Variants in HPSE2 observed in about 807,000 individuals in gnomAD.
HPSE2 encodes inactive heparanase-2.
Under a neutral mutation model 60.5 loss-of-function variants are expected in HPSE2, and 38 were observed. The observed-to-expected ratio is 0.63, with a 90% CI of 0.48 to 0.82. The LOEUF (loss-of-function observed/expected upper bound fraction) is 0.82. Among genes scored for constraint, HPSE2 ranks in the 40% least tolerant of loss-of-function variants. HPSE2 has a pLI of 0.00. For missense variants in HPSE2, 713 were observed against 740.4 expected (o/e 0.96, Z 0.43); for synonymous variants, 295 against 293.2 (o/e 1.01, Z -0.06).
intron 6 of HPSE2, among the ~76,000 whole-genome samples, chr10:98,681,961 A>T (rs1947797239): frequency 6.6e-6 from 1 of 152,178 alleles, no homozygotes; most frequent in Admixed American, 6.6e-5. Flanking sequence ...TGTCATAATA[A>T]ACCTATTGTA....
Position 99,157,552 on chromosome 10 carries a change from T to G in HPSE2, c.449-13153A>C, listed in dbSNP as rs1191044831. Among the ~76,000 whole-genome samples the G allele has an allele frequency of 2.2e-4, 29 of 130,004 alleles. 2 individuals are homozygous for G. The East Asian group carries it at 3.5e-3, about 16-fold the overall frequency. 85.3% of individuals were successfully genotyped at this position (130,004 alleles called of 152,430 possible). ...GCTGGGAAAACTGGCTAGCCATATGTAGAAAGCTGAAACTGGATCCCTTCC... is the reference window on the plus strand; with the variant it reads ...GCTGGGAAAACTGGCTAGCCATATGGAGAAAGCTGAAACTGGATCCCTTCC... On this transcript the variant is annotated intron_variant, in intron 2 of 11. Transcript: ENST00000370552.
intron 9 of HPSE2, among the ~76,000 whole-genome samples, chr10:98,588,104 A>C (rs1174628485): frequency 1.3e-5 from 2 of 152,244 alleles, no homozygotes; most frequent in Non-Finnish European, 2.9e-5. Context: ...GCCTAAAAAC[A>C]TTTATTCAGG....
At chr10:99,091,987 G>A (rs544737028) in intron 3 of HPSE2, among the ~76,000 whole-genome samples, 1 of 152,200 alleles carries the variant, frequency 6.6e-6, no homozygotes, top group South Asian at 2.1e-4. Context: ...CCTTTTAGAG[G>A]GTACTTTTGA....
intron 3 of HPSE2, among the ~76,000 whole-genome samples, chr10:98,748,806 A>T (rs1410661608): frequency 6.6e-6 from 1 of 152,120 alleles, no homozygotes; most frequent in Admixed American, 6.6e-5. Context: ...AGGAACCCAA[A>T]ATAAGAGAGT....
At chr10:99,296,447 G>C in the HPSE2 span, among the ~76,000 whole-genome samples, 1 of 152,284 alleles carries the variant, frequency 6.6e-6, no homozygotes, top group East Asian at 1.9e-4. Context: ...CCAAATTTCT[G>C]CATCAACCAC....
intron 3 of HPSE2, among the ~76,000 whole-genome samples, chr10:98,993,349 T>C (rs555793588): frequency 6.6e-6 from 1 of 152,326 alleles, no homozygotes; most frequent in South Asian, 2.1e-4. Flanking sequence ...TATACAACGT[T>C]CTAAAGTATC....
At chr10:98,570,053 C>T (rs1944451494) in intron 9 of HPSE2, among the ~76,000 whole-genome samples, 1 of 152,192 alleles carries the variant, frequency 6.6e-6, no homozygotes, top group Admixed American at 6.5e-5. Flanking sequence ...GCATCTCTGG[C>T]CACCTCACAA....
At chr10:98,808,903 T>C (rs953914856) in intron 3 of HPSE2, among the ~76,000 whole-genome samples, 2 of 152,186 alleles carry the variant, frequency 1.3e-5, no homozygotes, top group Non-Finnish European at 2.9e-5. Flanking sequence ...AAGCTAGAGC[T>C]TATCTTAACT....
At chr10:98,516,170 C>G (rs1000631816) in intron 9 of HPSE2, among the ~76,000 whole-genome samples, 1 of 152,186 alleles carries the variant, frequency 6.6e-6, no homozygotes, top group Non-Finnish European at 1.5e-5. Context: ...GTGCTCGGCC[C>G]TTCACATATA....
At chr10:98,960,581 T>A (rs1436672196) in intron 3 of HPSE2, among the ~76,000 whole-genome samples, 2 of 151,558 alleles carry the variant, frequency 1.3e-5, no homozygotes, top group African/African-American at 2.4e-5. Flanking sequence ...TTAAACTGTA[T>A]CCCCCTACTA....
intron 3 of HPSE2, among the ~76,000 whole-genome samples, chr10:98,921,905 G>A (rs1590081232): frequency 1.3e-5 from 2 of 152,182 alleles, no homozygotes; most frequent in African/African-American, 2.4e-5. Context: ...TTCATGGGGA[G>A]AGACTGGTGT....
chr10:98,829,899 C>T (rs74416069), intron 3 of HPSE2, among the ~76,000 whole-genome samples: 2,687 of 152,104 alleles, frequency 0.018, 99 homozygotes, highest in African/African-American at 0.062. Context: ...CAACAGGATA[C>T]ATGTGCAGAA....
chr10:98,978,397 T>C (rs1211916196), intron 3 of HPSE2, among the ~76,000 whole-genome samples: 1 of 152,218 alleles, frequency 6.6e-6, no homozygotes, highest in Non-Finnish European at 1.5e-5. Context: ...ATTCCTATTA[T>C]CAATTTAGAA....
At chr10:98,930,735 G>A (rs910772295) in intron 3 of HPSE2, among the ~76,000 whole-genome samples, 1 of 143,258 alleles carries the variant, frequency 7.0e-6, no homozygotes, top group African/African-American at 2.8e-5. Context: ...ATGTTGAGCT[G>A]TTTTTCATGT....
chr10:98,935,137 T>C (rs2135123860), intron 3 of HPSE2, among the ~76,000 whole-genome samples: 1 of 142,512 alleles, frequency 7.0e-6, no homozygotes, highest in Admixed American at 7.0e-5. Context: ...CTCCATCAGG[T>C]TGCTTATGTT....
At chr10:98,944,942 C>A (rs1467340883) in intron 3 of HPSE2, among the ~76,000 whole-genome samples, 2 of 152,110 alleles carry the variant, frequency 1.3e-5, no homozygotes, top group Admixed American at 6.6e-5. Context: ...CATTATGCCT[C>A]TTTTTATGAG....
intron 3 of HPSE2, among the ~76,000 whole-genome samples, chr10:99,091,125 A>T (rs1345755447): frequency 3.3e-5 from 5 of 152,168 alleles, no homozygotes; most frequent in Non-Finnish European, 1.5e-5. Flanking sequence ...ATATTGAAAG[A>T]TCAACATTTC....
chr10:98,598,547 C>T, intron 9 of HPSE2, among the ~76,000 whole-genome samples: 1 of 152,090 alleles, frequency 6.6e-6, no homozygotes, highest in East Asian at 1.9e-4. Flanking sequence ...CAGCCAGGTG[C>T]TGGGATGGGT....
At chr10:98,517,034 G>T (rs536266364) in intron 9 of HPSE2, among the ~76,000 whole-genome samples, 2 of 152,216 alleles carry the variant, frequency 1.3e-5, no homozygotes, top group Non-Finnish European at 2.9e-5. Flanking sequence ...TTAGTTTCAG[G>T]GGTTATTTTT....
Sources: allele counts gnomAD v4.1 joint callset (sites outside exome capture counted in the v4.1 genomes callset), GRCh38; gene constraint gnomAD v4.1.1; transcripts MANE v1.5; gene names NCBI Gene and HGNC (gene_info 2026-07-23, HGNC 2026-07-21).